Variants in CDON observed in about 807,000 individuals in gnomAD.
The protein encoded by CDON is cell adhesion associated, oncogene regulated.
Under a neutral mutation model 120.9 loss-of-function variants are expected in CDON, and 73 were observed. The observed-to-expected ratio is 0.60, with a 90% CI of 0.50 to 0.73. CDON has a LOEUF of 0.73. CDON is among the 30% of genes least tolerant of loss of function. The probability of loss-of-function intolerance (pLI) is 0.00; values close to 1 mark genes in which losing one functional copy is unlikely to be tolerated. For synonymous variants in CDON, 566 were observed against 573.5 expected (o/e 0.99, Z 0.19); for missense variants, 1,470 against 1,587.3 (o/e 0.93, Z 1.26).
intron 1 of CDON, among the ~76,000 whole-genome samples, chr11:126,046,661 G>A (rs2134875191): frequency 6.6e-6 from 1 of 152,132 alleles, no homozygotes; most frequent in Non-Finnish European, 1.5e-5. Flanking sequence ...CCAGTTTTTT[G>A]GATCCCCCTC....
chr11:126,056,163 C>G (rs1181043445), intron 1 of CDON, among the ~76,000 whole-genome samples: 1 of 152,228 alleles, frequency 6.6e-6, no homozygotes, highest in Non-Finnish European at 1.5e-5. Flanking sequence ...TACAACACTT[C>G]CAGGAATCAG....
At chr11:126,052,546 C>T (rs987376542) in intron 1 of CDON, among the ~76,000 whole-genome samples, 4 of 152,068 alleles carry the variant, frequency 2.6e-5, no homozygotes, top group East Asian at 3.8e-4. Flanking sequence ...ATACAGGCCA[C>T]GCGTGGTGGC....
chr11:126,011,413 G>A (rs749300628), intron 7 of CDON, among the ~76,000 whole-genome samples: 1 of 152,190 alleles, frequency 6.6e-6, no homozygotes, highest in Non-Finnish European at 1.5e-5. Flanking sequence ...CCGGATTTCT[G>A]GATTTTTGCC....
At chr11:125,965,053 A>G (rs1945754824) in intron 18 of CDON, among the ~76,000 whole-genome samples, 1 of 152,040 alleles carries the variant, frequency 6.6e-6, no homozygotes, top group Non-Finnish European at 1.5e-5. Context: ...CAGCCTCCCA[A>G]GTCACTGGGA....
Position 125,959,425 on chromosome 11 carries a change from C to T in CDON, c.*1517G>A, listed in dbSNP as rs886047967. The T allele has an allele frequency of 6.6e-6, 1 of 152,084 alleles. No homozygotes were observed. Among genetic ancestry groups the T allele is most frequent in the Non-Finnish European group, 1.5e-5 (1 of 68,020 alleles). The allele number at this position is 152,084 out of a possible 1,614,324, so 9.4% of individuals were successfully genotyped here. A position where few individuals can be genotyped will look rare whatever the true frequency, so the allele number is the denominator to read the frequency against. ...TGACTCAAGCTATGAAACACACTTA[C>T]ATAATTATTGTTTTTTAATGTGAAG... On this transcript the variant is annotated 3_prime_UTR_variant, in exon 20 of 20. Transcript: ENST00000531738.
At chr11:126,039,293 A>AT (rs981595244) in intron 1 of CDON, among the ~76,000 whole-genome samples, 1 of 152,208 alleles carries the variant, frequency 6.6e-6, no homozygotes, top group African/African-American at 2.4e-5. Context: ...AAACTTTGGG[A>AT]TTTTAATAAA....
At chr11:126,015,220 T>C (rs936049804) in intron 7 of CDON, 21 bp downstream of exon 7, 2 of 1,612,474 alleles carry the variant, frequency 1.2e-6, no homozygotes, top group African/African-American at 2.7e-5. Flanking sequence ...TTCTTATGAC[T>C]GGCACGACCT....
chr11:126,002,372 T>C (rs534819081), intron 10 of CDON, among the ~76,000 whole-genome samples: 2 of 152,216 alleles, frequency 1.3e-5, no homozygotes, highest in Non-Finnish European at 2.9e-5. Flanking sequence ...GAACTCAAGA[T>C]ACATTTAAGA....
intron 14 of CDON, among the ~76,000 whole-genome samples, chr11:125,992,501 C>T (rs1946659959): frequency 6.6e-6 from 1 of 152,172 alleles, no homozygotes; most frequent in Non-Finnish European, 1.5e-5. Context: ...CTCAAACATC[C>T]CCTTATGCCC....
Position 125,981,061 on chromosome 11 carries a change from A to T in CDON, c.3264T>A (p.His1088Gln). The T allele has an allele frequency of 4.3e-6, 7 of 1,614,180 alleles. No homozygotes were observed. Among genetic ancestry groups the T allele is most frequent in the Non-Finnish European group, 5.9e-6 (7 of 1,180,028 alleles). Residue 1088 changes from histidine (H) to glutamine (Q), a missense_variant, in exon 17 of 20, where the codon CAT becomes CAA. His to Gln is a conservative substitution (Grantham distance 24, BLOSUM62 0). Transcript: ENST00000531738. ...TRTHVDFEHP[H>Q]HLVNGGGMYT... ...TTAGGTCTCTTACATTCACTAGATG[A>T]TGAGGATGTTCAAAATCCACGTGTG...
chr11:126,012,101 A>T (rs1449597736), intron 7 of CDON, among the ~76,000 whole-genome samples: 1 of 152,192 alleles, frequency 6.6e-6, no homozygotes, highest in East Asian at 1.9e-4. Flanking sequence ...GTTTAAGGCA[A>T]GTCTCCCATG....
intron 13 of CDON, 80 bp from the exon 14 acceptor site, chr11:125,994,469 G>C: frequency 1.2e-6 from 1 of 820,290 alleles, no homozygotes; most frequent in South Asian, 1.4e-5. Flanking sequence ...TTATCTACTT[G>C]GTCACATTTT....
In CDON at chr11:126,003,939, T is replaced by C; in HGVS notation, c.1989A>G (p.Glu663=). The C allele has an allele frequency of 1.9e-6, 3 of 1,614,160 alleles. No individual in the cohort carries two copies. Among genetic ancestry groups the C allele is most frequent in the Non-Finnish European group, 2.5e-6 (3 of 1,180,012 alleles). ...GGAAGGTAAGCATGGCAGGTTGGCC[T>C]TCACCTGCTGCGCTTCTTGCTACCA... is the stretch of plus-strand genomic sequence containing the variant. ...VLMVARSAAG[E]GQPAMLTFRT... The change falls in exon 10 of 20, where the codon GAA becomes GAG. Residue 663 remains glutamate, a synonymous_variant. Transcript: ENST00000531738.
In CDON at chr11:126,021,231, G is replaced by A. The variant is rs778821570; in HGVS notation, c.349+17C>T. ...TTCAAGAAAACCCATACCTAACAGGGACAAAATTAAACTCACCTGCCACAG... is the reference window on the plus strand; with the variant it reads ...TTCAAGAAAACCCATACCTAACAGGAACAAAATTAAACTCACCTGCCACAG... On this transcript the variant is annotated intron_variant, in intron 3 of 19. Coordinates refer to ENST00000531738, the MANE Select transcript of CDON (RefSeq NM_001378964.1). 41 of 1,612,896 alleles carry A rather than the reference G, an allele frequency of 2.5e-5. No individual in the cohort carries two copies. The highest frequency in any genetic ancestry group is 3.4e-5 in the Non-Finnish European group (40 of 1,179,596).
At chr11:126,008,007 C>CT (rs925072668) in intron 8 of CDON, among the ~76,000 whole-genome samples, 69 of 152,256 alleles carry the variant, frequency 4.5e-4, no homozygotes, top group African/African-American at 1.5e-3. Context: ...TTTAATGACT[C>CT]TAAGTGGAAA....
In CDON at chr11:125,958,577, G is replaced by GTA. The variant is rs1945551411; in HGVS notation, c.*2364_*2365insTA. ...TATATATATATATATGTGTGTGTGT[G>GTA]TGTGTGTGTGTGTGTTTATATATAT... On this transcript the variant is annotated 3_prime_UTR_variant, in exon 20 of 20. Transcript: ENST00000531738. 6.7e-6 allele frequency: 1 copy of GTA among 149,472 alleles called. No individual in the cohort carries two copies. Among genetic ancestry groups the GTA allele is most frequent in the Non-Finnish European group, 1.5e-5 (1 of 67,470 alleles). The allele number at this position is 149,472 out of a possible 1,614,324, so 9.3% of individuals were successfully genotyped here. A position where few individuals can be genotyped will look rare whatever the true frequency, so the allele number is the denominator to read the frequency against.
In CDON at chr11:126,005,831, C is replaced by A. The variant is rs777466457; in HGVS notation, c.1779G>T (p.Thr593=). 14 of 1,613,858 alleles carry A rather than the reference C, an allele frequency of 8.7e-6. No homozygotes were observed. The highest frequency in any genetic ancestry group is 1.1e-5 in the Non-Finnish European group (13 of 1,179,920). The change falls in exon 9 of 20, where the codon ACG becomes ACT. Residue 593 remains threonine (T), a synonymous_variant. Coordinates refer to ENST00000531738, the MANE Select transcript of CDON (RefSeq NM_001378964.1). ...TGCCTGCCCTCCACACCAGGTTGTACGTGTCTGGTGTGTGGGTCTGTGGGG... is the reference window on the plus strand; with the variant it reads ...TGCCTGCCCTCCACACCAGGTTGTAAGTGTCTGGTGTGTGGGTCTGTGGGG... ...LSPPQTHTPD[T]YNLVWRAGKD...
intron 1 of CDON, among the ~76,000 whole-genome samples, chr11:126,038,478 C>T (rs186468039): frequency 2.0e-5 from 3 of 152,138 alleles, no homozygotes; most frequent in Non-Finnish European, 2.9e-5. Context: ...ATGGTGAAAA[C>T]GTGTCTCTAC....
chr11:126,040,145 G>A (rs1057383710), intron 1 of CDON, among the ~76,000 whole-genome samples: 3 of 152,068 alleles, frequency 2.0e-5, no homozygotes, highest in Non-Finnish European at 2.9e-5. Flanking sequence ...TCACATAAAT[G>A]CAAAAAAGGT....
Sources: allele counts gnomAD v4.1 joint callset (sites outside exome capture counted in the v4.1 genomes callset), GRCh38; gene constraint gnomAD v4.1.1; transcripts MANE v1.5; gene names NCBI Gene and HGNC (gene_info 2026-07-23, HGNC 2026-07-21).